The following CCDC141 variants were observed in gnomAD, a reference collection of about 807,000 sequenced individuals.
CCDC141 encodes coiled-coil domain containing 141.
In CCDC141, 168 loss-of-function variants were observed where a neutral mutation model predicts 181.0. The ratio of observed to expected loss-of-function variants is 0.93; its 90% CI spans 0.82 to 1.05. The LOEUF (loss-of-function observed/expected upper bound fraction) is 1.05, where lower values mean the gene tolerates loss of function less well. CCDC141 is among the 50% of genes least tolerant of loss of function. CCDC141 has a pLI of 0.00. For synonymous variants in CCDC141, 666 were observed against 642.3 expected (o/e 1.04, Z -0.56); for missense variants, 1,902 against 1,788.5 (o/e 1.06, Z -1.14).
intron 6 of CCDC141, among the ~76,000 whole-genome samples, chr2:178,932,020 A>G (rs1220587604): frequency 2.0e-5 from 3 of 152,156 alleles, no homozygotes; most frequent in Non-Finnish European, 4.4e-5. Context: ...TAGCTGGGGC[A>G]TGGTTATGCA....
chr2:178,853,371 G>T (rs2154367369), intron 20 of CCDC141, 70 bp downstream of exon 20: 2 of 1,395,038 alleles, frequency 1.4e-6, no homozygotes, highest in Non-Finnish European at 2.0e-6. Flanking sequence ...CACTCTTGCT[G>T]TCTACTGGAT....
chr2:178,920,692 CCATACA>C (rs1688648921), intron 6 of CCDC141, among the ~76,000 whole-genome samples: 2 of 99,442 alleles, frequency 2.0e-5, no homozygotes, highest in African/African-American at 7.3e-5. Context: ...TCACTGAACT[CCATACA>C]CACACACACA....
chr2:178,981,650 A>ATATATATG (rs57649825), intron 2 of CCDC141, among the ~76,000 whole-genome samples: 52,084 of 127,270 alleles, frequency 0.41, 13,434 homozygotes, highest in Non-Finnish European at 0.56. Flanking sequence ...ATATATATAT[A>ATATATATG]TATATATACA....
chr2:178,867,830 G>T (rs1481718222), intron 16 of CCDC141, among the ~76,000 whole-genome samples, 196 bp downstream of exon 16: 1 of 151,994 alleles, frequency 6.6e-6, no homozygotes, highest in East Asian at 1.9e-4. Flanking sequence ...TATTCAACAA[G>T]ACTTTTACAT....
intron 2 of CCDC141, among the ~76,000 whole-genome samples, chr2:178,985,080 G>A (rs369550369): frequency 1.1e-4 from 16 of 151,416 alleles, no homozygotes; most frequent in East Asian, 9.7e-4. Flanking sequence ...AGCTCTCCTC[G>A]GCAAATGTAA....
intron 6 of CCDC141, among the ~76,000 whole-genome samples, chr2:178,943,358 A>G (rs1047834571): frequency 6.6e-6 from 1 of 152,196 alleles, no homozygotes. Flanking sequence ...CAAATATTCA[A>G]ACCAAAGACT....
rs372474638 is a variant in CCDC141 at position 178,944,565 on chromosome 2, A to G, written c.867T>C (p.His289=). The G allele has an allele frequency of 1.4e-5, 22 of 1,534,336 alleles. No individual in the cohort carries two copies. The African/African-American group carries it at 2.9e-4, about 20-fold the overall frequency. The part of the protein sequence containing the change: ...SSLSDNEDRI[H]KQEELIIKAK... ...CTTTTATTATCAGTTCCTCTTGCTT[A>G]TGAATTCGATCCTCATTGTCTGAAA... The change falls in exon 6 of 24, where the codon CAT becomes CAC. Residue 289 remains histidine, a synonymous_variant. Transcript: ENST00000443758.
intron 7 of CCDC141, among the ~76,000 whole-genome samples, chr2:178,915,035 T>G (rs1008587450): frequency 1.3e-5 from 2 of 151,784 alleles, no homozygotes; most frequent in African/African-American, 4.8e-5. Context: ...ATACAAAAAA[T>G]TAGCCTGGTA....
chr2:179,008,119 A>G (rs2042164542), intron 2 of CCDC141, among the ~76,000 whole-genome samples: 1 of 152,238 alleles, frequency 6.6e-6, no homozygotes, highest in East Asian at 1.9e-4. Context: ...AACTGCTGAA[A>G]GTCTGAATAA....
chr2:178,966,757 G>C (rs986125377), intron 4 of CCDC141, among the ~76,000 whole-genome samples: 1 of 151,976 alleles, frequency 6.6e-6, no homozygotes, highest in African/African-American at 2.4e-5. Flanking sequence ...TGAGTTTGAC[G>C]AATGAAAGAA....
chr2:178,942,334 C>T lies in CCDC141; in HGVS notation c.897+2201G>A, dbSNP rs369461074. On this transcript the variant is annotated intron_variant, in intron 6 of 23. Coordinates refer to ENST00000443758, the MANE Select transcript of CCDC141 (RefSeq NM_173648.4). ...TTATTTATTTCTAAACACGAATGAG[C>T]TATCAAGCCATGAAAAGATATAGAT... Among the ~76,000 whole-genome samples, 3 of 152,218 alleles carry T rather than the reference C, an allele frequency of 2.0e-5. No homozygotes were observed. The East Asian group carries it at 5.8e-4, about 29-fold the overall frequency.
At position 178,902,696 on chromosome 2, in the gene CCDC141, G is replaced by A. The variant is rs1054541336; in HGVS notation, c.1265+2633C>T. ...ATTACCATTCAGGACATAGGCATGG[G>A]CAAGGACTTCATGTCTAAACCACCA... On this transcript the variant is annotated intron_variant, in intron 8 of 23. Coordinates refer to ENST00000443758, the MANE Select transcript of CCDC141 (RefSeq NM_173648.4). Among the ~76,000 whole-genome samples the A allele has an allele frequency of 9.1e-4, 137 of 150,914 alleles. 1 individual carries two copies. Among genetic ancestry groups the A allele is most frequent in the Non-Finnish European group, 9.6e-4 (65 of 67,990 alleles).
At position 178,833,251 on chromosome 2, in the gene CCDC141, T is replaced by C. The variant is rs1397854347; in HGVS notation, c.*922A>G. On this transcript the variant is annotated 3_prime_UTR_variant, in exon 24 of 24. Coordinates refer to ENST00000443758, the MANE Select transcript of CCDC141 (RefSeq NM_173648.4). ...GACAAATTACATTAAACAATATCATTATCCTTAGCCCTCAGTGTTTTCCAT... is the reference window on the plus strand; with the variant it reads ...GACAAATTACATTAAACAATATCATCATCCTTAGCCCTCAGTGTTTTCCAT... 6.6e-6 allele frequency: 1 copy of C among 152,196 alleles called. No individual in the cohort carries two copies. Among genetic ancestry groups the C allele is most frequent in the African/African-American group, 2.4e-5 (1 of 41,462 alleles). 9.4% of individuals were successfully genotyped at this position (152,196 alleles called of 1,614,324 possible).
At chr2:178,919,778 C>T (rs891358995) in intron 6 of CCDC141, among the ~76,000 whole-genome samples, 1 of 152,112 alleles carries the variant, frequency 6.6e-6, no homozygotes, top group Non-Finnish European at 1.5e-5. Flanking sequence ...GTGGTTTTTG[C>T]CATTAAAAGT....
At chr2:178,895,867 T>C (rs758684902) in intron 8 of CCDC141, among the ~76,000 whole-genome samples, 24 of 152,218 alleles carry the variant, frequency 1.6e-4, no homozygotes, top group Non-Finnish European at 2.9e-4. Context: ...GAAATGTGTT[T>C]GTCTTGTTGG....
At chr2:178,950,914 A>G (rs16866575) in intron 5 of CCDC141, among the ~76,000 whole-genome samples, 11,412 of 152,142 alleles carry the variant, frequency 0.075, 563 homozygotes, top group Middle Eastern at 0.13. Context: ...TTCTCTTCTC[A>G]CGTCTATATT....
chr2:178,923,792 T>C (rs1261576813), intron 6 of CCDC141, among the ~76,000 whole-genome samples: 1 of 152,180 alleles, frequency 6.6e-6, no homozygotes, highest in Admixed American at 6.5e-5. Context: ...TTTTTAACTG[T>C]ACCTTTCAGT....
chr2:178,908,015 A>T (rs1429967848), intron 7 of CCDC141, among the ~76,000 whole-genome samples: 5 of 152,132 alleles, frequency 3.3e-5, no homozygotes, highest in African/African-American at 4.8e-5. Context: ...ATAAAAAAAA[A>T]AATAAACAAT....
At chr2:178,883,372 C>A (rs1686718488) in intron 11 of CCDC141, among the ~76,000 whole-genome samples, 1 of 151,916 alleles carries the variant, frequency 6.6e-6, no homozygotes, top group African/African-American at 2.4e-5. Context: ...ATGCCTGCAT[C>A]AAATCATCTC....
Sources: gnomAD v4.1 joint callset for allele counts (sites outside exome capture counted in the v4.1 genomes callset) on GRCh38, gnomAD v4.1.1 for gene constraint, MANE v1.5 for transcripts, NCBI Gene and HGNC (gene_info 2026-07-23, HGNC 2026-07-21) for gene names.